THRB: variants seen among roughly 807,000 people sequenced by gnomAD.
THRB encodes the protein nuclear receptor subfamily 1 group A member 2.
THRB carries 12 observed loss-of-function variants against 47.8 expected under a neutral mutation model. The ratio of observed to expected loss-of-function variants is 0.25; its 90% CI spans 0.16 to 0.41. The LOEUF (loss-of-function observed/expected upper bound fraction) is 0.41, where lower values mean the gene tolerates loss of function less well. THRB is among the 10% of genes least tolerant of loss of function. The probability of loss-of-function intolerance (pLI) is 1.00; values close to 1 mark genes in which losing one functional copy is unlikely to be tolerated. For missense variants in THRB, 348 were observed against 589.2 expected, an observed-to-expected ratio of 0.59 and a Z score of 4.24; for synonymous variants, 218 against 212.2, an observed-to-expected ratio of 1.03 and a Z score of -0.24.
intron 5 of THRB, among the ~76,000 whole-genome samples, chr3:24,180,860 G>C (rs2041806479): frequency 6.6e-6 from 1 of 152,132 alleles, no homozygotes; most frequent in Non-Finnish European, 1.5e-5. Flanking sequence ...GGCTACCTTT[G>C]GCATGAGGTC....
At chr3:24,377,399 A>G (rs990246693) in intron 1 of THRB, among the ~76,000 whole-genome samples, 1 of 151,500 alleles carries the variant, frequency 6.6e-6, no homozygotes, top group Non-Finnish European at 1.5e-5. Context: ...TCTTTGGCAT[A>G]GGTCTATAAA....
chr3:24,225,274 C>T (rs1049377452), intron 4 of THRB, among the ~76,000 whole-genome samples: 3 of 152,150 alleles, frequency 2.0e-5, no homozygotes, highest in African/African-American at 7.2e-5. Flanking sequence ...CATCTGAAAG[C>T]TCCTATCTAT....
chr3:24,460,918 A>G (rs2073637591), intron 1 of THRB, among the ~76,000 whole-genome samples: 1 of 152,216 alleles, frequency 6.6e-6, no homozygotes, highest in Admixed American at 6.5e-5. Context: ...TTTTAGCAGA[A>G]GATTCCAAAA....
intron 3 of THRB, among the ~76,000 whole-genome samples, chr3:24,279,784 C>A (rs1027603250): frequency 6.6e-6 from 1 of 152,134 alleles, no homozygotes; most frequent in Admixed American, 6.6e-5. Flanking sequence ...AATTATAACA[C>A]TGAAAAATTC....
chr3:24,334,763 A>G (rs1195778205), intron 2 of THRB, among the ~76,000 whole-genome samples: 1 of 152,192 alleles, frequency 6.6e-6, no homozygotes, highest in African/African-American at 2.4e-5. Context: ...AAGACTATCC[A>G]TAACTCTTAG....
intron 1 of THRB, among the ~76,000 whole-genome samples, chr3:24,400,320 C>T (rs1443702058): frequency 6.6e-6 from 1 of 152,018 alleles, no homozygotes; most frequent in Non-Finnish European, 1.5e-5. Flanking sequence ...GAAAGATTAC[C>T]ACTTTAGTGG....
At chr3:24,170,951 A>G (rs906636391) in intron 5 of THRB, among the ~76,000 whole-genome samples, 1 of 152,124 alleles carries the variant, frequency 6.6e-6, no homozygotes, top group Non-Finnish European at 1.5e-5. Context: ...TCTAAAATCG[A>G]TCCAGTTTGT....
chr3:24,211,197 C>CAAAAA (rs370498415), intron 4 of THRB, among the ~76,000 whole-genome samples: 12 of 100,068 alleles, frequency 1.2e-4, no homozygotes, highest in African/African-American at 3.5e-4. Flanking sequence ...GACTCCATCT[C>CAAAAA]AAAAAAAAAA....
At chr3:24,481,242 T>TG (rs1295890290) in intron 1 of THRB, among the ~76,000 whole-genome samples, 1 of 141,478 alleles carries the variant, frequency 7.1e-6, no homozygotes, top group African/African-American at 2.6e-5. Context: ...TTTTTTTTTT[T>TG]TTTTTTTTTT....
Position 24,127,672 on chromosome 3 carries a change from T to C in THRB, c.971A>G (p.Glu324Gly). 6.2e-7 allele frequency: 1 copy of C among 1,614,220 alleles called. No individual in the cohort carries two copies. The highest frequency in any genetic ancestry group is 8.5e-7 in the Non-Finnish European group (1 of 1,180,038). Residue 324 changes from glutamate (E) to glycine (G), a missense_variant, in exon 10 of 11, where the codon GAA becomes GGA. Physicochemically the swap from Glu to Gly is moderately conservative, Grantham distance 98. This residue lies in a region of THRB where 45 missense variants were observed against 156.2 expected (regional missense o/e 0.29). Transcript: ENST00000646209. ...SLRAAVRYDPESETLTLNGEM... is the reference protein window; with the variant it reads ...SLRAAVRYDPGSETLTLNGEM... ...CCCATTCAAGGTTAAAGTCTCACTT[T>C]CTGGGTCATAGCGCACAGCAGCGCG... is the stretch of plus-strand genomic sequence containing the variant.
intron 1 of THRB, among the ~76,000 whole-genome samples, chr3:24,438,086 A>AT (rs60044476): frequency 1.3e-5 from 2 of 150,488 alleles, no homozygotes; most frequent in African/African-American, 4.9e-5. Flanking sequence ...GGCAGGCACA[A>AT]TTTTTTTTTT....
In THRB at chr3:24,299,263, A is replaced by AG. The variant is rs1405766674; in HGVS notation, c.-188-1893_-188-1892insC. Among the ~76,000 whole-genome samples the AG allele has an allele frequency of 1.3e-3, 197 of 150,986 alleles. 1 individual carries two copies. Among genetic ancestry groups the AG allele is most frequent in the African/African-American group, 4.6e-3 (189 of 41,266 alleles). On this transcript the variant is annotated intron_variant, in intron 2 of 10. Coordinates refer to ENST00000646209, the MANE Select transcript of THRB (RefSeq NM_001354712.2). ...ACTCAGTCTCATAAAAAAAAAAAAA[A>AG]AAAAAAAAAAGAAAAGTAATTCAGG...
chr3:24,451,783 C>T (rs1324214796), intron 1 of THRB, among the ~76,000 whole-genome samples: 1 of 152,204 alleles, frequency 6.6e-6, no homozygotes, highest in South Asian at 2.1e-4. Context: ...AAGCACAAAG[C>T]TGACCTTTAA....
At chr3:24,479,297 G>A (rs547005263) in intron 1 of THRB, among the ~76,000 whole-genome samples, 5 of 152,316 alleles carry the variant, frequency 3.3e-5, no homozygotes, top group Admixed American at 6.5e-5. Context: ...GCGAGACTCC[G>A]TCTCAAAAAC....
At chr3:24,292,076 T>C (rs984694981) in intron 3 of THRB, among the ~76,000 whole-genome samples, 1 of 152,264 alleles carries the variant, frequency 6.6e-6, no homozygotes, top group South Asian at 2.1e-4. Context: ...GTGAAAGTTA[T>C]ATAGAGAGGT....
intron 1 of THRB, among the ~76,000 whole-genome samples, chr3:24,450,877 C>T (rs62228824): frequency 0.043 from 6,621 of 152,262 alleles, 191 homozygotes; most frequent in Non-Finnish European, 0.065. Flanking sequence ...GCTCTTTCTC[C>T]TTCCTTGCTA....
chr3:24,235,757 C>T (rs1280905274), intron 3 of THRB, among the ~76,000 whole-genome samples: 1 of 152,156 alleles, frequency 6.6e-6, no homozygotes, highest in Non-Finnish European at 1.5e-5. Flanking sequence ...TATCCATCTT[C>T]TCACCTAGCA....
At chr3:24,145,429 T>C (rs2035957300) in intron 7 of THRB, among the ~76,000 whole-genome samples, 1 of 152,194 alleles carries the variant, frequency 6.6e-6, no homozygotes, top group Non-Finnish European at 1.5e-5. Flanking sequence ...CACTAGTATC[T>C]TAAACTTCTC....
At chr3:24,243,196 G>A (rs2049748244) in intron 3 of THRB, among the ~76,000 whole-genome samples, 1 of 151,898 alleles carries the variant, frequency 6.6e-6, no homozygotes, top group South Asian at 2.1e-4. Flanking sequence ...AAGATTGAGA[G>A]CCACTTAGGT....
Sources: allele counts gnomAD v4.1 joint callset (sites outside exome capture counted in the v4.1 genomes callset), GRCh38; gene constraint gnomAD v4.1.1; regional missense constraint gnomAD v4.1.1; transcripts MANE v1.5; gene names NCBI Gene and HGNC (gene_info 2026-07-23, HGNC 2026-07-21).